ABCG1: variants seen among roughly 807,000 people sequenced by gnomAD.
The protein encoded by ABCG1 is ATP binding cassette subfamily G member 1.
Under a neutral mutation model 69.2 loss-of-function variants are expected in ABCG1, and 29 were observed. The observed-to-expected ratio is 0.42, with a 90% confidence interval of 0.31 to 0.57. ABCG1 has a LOEUF of 0.57. Ranked by LOEUF, ABCG1 falls within the 20% of genes least tolerant of loss-of-function variation. ABCG1 has a pLI of 0.15. For synonymous variants in ABCG1, 370 were observed against 374.8 expected, an observed-to-expected ratio of 0.99 and a Z score of 0.15; for missense variants, 718 against 898.1, an observed-to-expected ratio of 0.80 and a Z score of 2.56.
intron 2 of ABCG1, among the ~76,000 whole-genome samples, chr21:42,230,384 G>A (rs574215411): frequency 6.6e-5 from 10 of 152,216 alleles, no homozygotes; most frequent in African/African-American, 1.9e-4. Context: ...ATTCACTCAC[G>A]TAGCTTGTGT....
At chr21:42,293,020 ACAC>A (rs1433078119) in intron 13 of ABCG1, among the ~76,000 whole-genome samples, 4 of 142,988 alleles carry the variant, frequency 2.8e-5, no homozygotes, top group South Asian at 2.3e-4. Context: ...CACTACACAC[ACAC>A]CACACTACAC....
Position 42,276,950 on chromosome 21 carries a change from G to A in ABCG1, c.588+5G>A. On this transcript the variant is annotated splice_donor_5th_base_variant and intron_variant, in intron 5 of 14. Transcript: ENST00000398449. This position sits in a 1 kb window ranked among gnomAD's most constrained non-coding sequence, Gnocchi z 5.3. Reference sequence around the variant, plus strand: ...GATGAAGGCAGAAGGGAAATGGTAAGTGGGTTGTTTGGTGCCCACAAGTGG... The same window carrying A: ...GATGAAGGCAGAAGGGAAATGGTAAATGGGTTGTTTGGTGCCCACAAGTGG... The A allele has an allele frequency of 2.5e-6, 4 of 1,614,252 alleles. No individual in the cohort carries two copies. The highest frequency in any genetic ancestry group is 1.1e-5 in the South Asian group (1 of 91,086).
chr21:42,272,959 C>T (rs2068642366), intron 3 of ABCG1, among the ~76,000 whole-genome samples: 1 of 152,240 alleles, frequency 6.6e-6, no homozygotes, highest in East Asian at 1.9e-4. Flanking sequence ...AGGGGCTGTA[C>T]ATCCTGACCT....
At chr21:42,249,809 A>T (rs1186363881) in intron 2 of ABCG1, among the ~76,000 whole-genome samples, 1 of 152,088 alleles carries the variant, frequency 6.6e-6, no homozygotes, top group Non-Finnish European at 1.5e-5. Flanking sequence ...GTTTGAGACC[A>T]GCCTGGCCAG....
At position 42,296,033 on chromosome 21, in the gene ABCG1, G is replaced by A; in HGVS notation, c.1773-131G>A. 1 of 698,104 alleles carries A rather than the reference G, an allele frequency of 1.4e-6. No individual in the cohort carries two copies. The highest frequency in any genetic ancestry group is 2.5e-6 in the Non-Finnish European group (1 of 392,714). The allele number at this position is 698,104 out of a possible 1,614,324, so 43.2% of individuals were successfully genotyped here. A position where few individuals can be genotyped will look rare whatever the true frequency, so the allele number is the denominator to read the frequency against. On this transcript the variant is annotated intron_variant, in intron 14 of 14. Coordinates refer to ENST00000398449, the MANE Select transcript of ABCG1 (RefSeq NM_016818.3). The surrounding 1 kb of genome is among the most constrained non-coding windows in gnomAD (Gnocchi z 5.4). ...GGTGGGCGGTGAGGAAGTATTCTGG[G>A]GAAGGCGGCCCTTTGGGAAGGGAGG...
intron 2 of ABCG1, among the ~76,000 whole-genome samples, chr21:42,240,727 C>T (rs564232606): frequency 2.0e-5 from 3 of 152,374 alleles, no homozygotes; most frequent in Non-Finnish European, 2.9e-5. Context: ...GGATTACAGG[C>T]GTGAGCCACC....
Position 42,296,675 on chromosome 21 carries a change from T to G in ABCG1, c.*283T>G. ...TTTAAATACCACAACTGGGGCAGAA[T>G]TTAAAGCTGCAACACAGCTGGTGAT... On this transcript the variant is annotated 3_prime_UTR_variant, in exon 15 of 15. Transcript: ENST00000398449. This position sits in a 1 kb window ranked among gnomAD's most constrained non-coding sequence, Gnocchi z 5.4. 2.4e-6 allele frequency: 1 copy of G among 423,770 alleles called. No individual in the cohort carries two copies. The highest frequency in any genetic ancestry group is 4.4e-6 in the Non-Finnish European group (1 of 227,010). The allele number at this position is 423,770 out of a possible 1,614,324, so 26.3% of individuals were successfully genotyped here. A position where few individuals can be genotyped will look rare whatever the true frequency, so the allele number is the denominator to read the frequency against.
chr21:42,270,992 T>C lies in ABCG1; in HGVS notation c.287-78T>C. ...CAAAGGTTGCCTTTGGCCTTGGTCA[T>C]GTGTACTTGAACATTTGCATATTTA... On this transcript the variant is annotated intron_variant, in intron 2 of 14. Transcript: ENST00000398449. The C allele has an allele frequency of 7.9e-6, 8 of 1,013,628 alleles. 2 individuals carry two copies. In the South Asian group the frequency reaches 1.7e-4, roughly 21 times the overall value. 62.8% of individuals were successfully genotyped at this position (1,013,628 alleles called of 1,614,324 possible). A position where few individuals can be genotyped will look rare whatever the true frequency, so the allele number is the denominator to read the frequency against.
chr21:42,273,333 CA>C lies in ABCG1; in HGVS notation c.437del (p.Asn146ThrfsTer33). 1 of 1,613,780 alleles carries C rather than the reference CA, an allele frequency of 6.2e-7. No homozygotes were observed. The highest frequency in any genetic ancestry group is 8.5e-7 in the Non-Finnish European group (1 of 1,179,950). ...CGGGCATGAAGGGGGCCGTCCTCAT[CA>C]ACGGCCTGCCCCGGGACCTGCGCTG... ...ETGMKGAVLI[N>X]GLPRDLRCFR... On this transcript the variant is annotated frameshift_variant, in exon 4 of 15. Coordinates refer to ENST00000398449, the MANE Select transcript of ABCG1 (RefSeq NM_016818.3). LOFTEE classifies it high-confidence loss of function. The surrounding 1 kb of genome is among the most constrained non-coding windows in gnomAD (Gnocchi z 5.3).
intron 2 of ABCG1, among the ~76,000 whole-genome samples, chr21:42,265,834 C>T (rs2068494791): frequency 6.6e-6 from 1 of 152,216 alleles, no homozygotes; most frequent in Non-Finnish European, 1.5e-5. Context: ...CAGTGGTGTC[C>T]TGCCGGCCCT....
intron 2 of ABCG1, chr21:42,259,508 G>A: frequency 6.5e-7 from 1 of 1,544,536 alleles, no homozygotes; most frequent in Admixed American, 2.0e-5. Flanking sequence ...CACTCAAGGT[G>A]CATTGACTGA....
At chr21:42,279,709 C>T (rs1024338517) in intron 5 of ABCG1, among the ~76,000 whole-genome samples, 1 of 152,244 alleles carries the variant, frequency 6.6e-6, no homozygotes, top group Non-Finnish European at 1.5e-5. Flanking sequence ...TGGTGAAAGT[C>T]GCTCTCCCCA....
chr21:42,232,255 G>C (rs1053024395), intron 2 of ABCG1, among the ~76,000 whole-genome samples: 5 of 152,220 alleles, frequency 3.3e-5, no homozygotes, highest in African/African-American at 1.2e-4. Flanking sequence ...TACTTTCTTG[G>C]ACAGGCTTCA....
At chr21:42,209,490 A>G (rs2067569492) in intron 2 of ABCG1, among the ~76,000 whole-genome samples, 1 of 152,230 alleles carries the variant, frequency 6.6e-6, no homozygotes, top group African/African-American at 2.4e-5. Flanking sequence ...GGAATTTATC[A>G]TCTCTTTGGA....
chr21:42,225,910 G>A lies in ABCG1; in HGVS notation c.282G>A (p.Lys94=), dbSNP rs1203887971. The part of the protein sequence containing the change: ...YSVPEGPWWR[K]KGYKTLLKGI... ...TTCCTGAAGGACCCTGGTGGAGGAA[G>A]AAAGGTAGGGAGGGCGGCTGCTTTG... Residue 94 remains lysine, a synonymous_variant, in exon 2 of 15, where the codon AAG becomes AAA. Transcript: ENST00000398449. 8 of 1,611,632 alleles carry A rather than the reference G, an allele frequency of 5.0e-6. No individual in the cohort carries two copies. The highest frequency in any genetic ancestry group is 1.3e-5 in the African/African-American group (1 of 74,938).
At chr21:42,240,458 G>A (rs1027768370) in intron 2 of ABCG1, among the ~76,000 whole-genome samples, 2 of 152,234 alleles carry the variant, frequency 1.3e-5, no homozygotes, top group Admixed American at 1.3e-4. Flanking sequence ...TGTTTGGTTT[G>A]TGTTTTCTTT....
In ABCG1 at chr21:42,282,336, G is replaced by A; in HGVS notation, c.651G>A (p.Leu217=). 2 of 1,613,704 alleles carry A rather than the reference G, an allele frequency of 1.2e-6. No homozygotes were observed. Among genetic ancestry groups the A allele is most frequent in the Non-Finnish European group, 1.7e-6 (2 of 1,180,028 alleles). ...LSCANTRTGS[L]SGGQRKRLAI... The stretch of plus-strand genomic sequence containing the variant: ...GCGCCAACACGCGGACCGGGAGCCT[G>A]TCAGGTGGTCAGCGCAAGCGCCTGG... The change falls in exon 6 of 15, where the codon CTG becomes CTA. Residue 217 remains leucine, a synonymous_variant. Coordinates refer to ENST00000398449, the MANE Select transcript of ABCG1 (RefSeq NM_016818.3).
At chr21:42,249,385 A>G (rs1039746640) in intron 2 of ABCG1, among the ~76,000 whole-genome samples, 9 of 152,160 alleles carry the variant, frequency 5.9e-5, no homozygotes, top group African/African-American at 2.2e-4. Context: ...CTCCGGAGCC[A>G]GACCACTCAG....
intron 2 of ABCG1, among the ~76,000 whole-genome samples, chr21:42,207,678 G>A (rs892102158): frequency 6.6e-6 from 1 of 152,232 alleles, no homozygotes; most frequent in Non-Finnish European, 1.5e-5. Flanking sequence ...AGAAGTCCAG[G>A]TTCCCTGCTC....
Sources: gnomAD v4.1 joint callset for allele counts (sites outside exome capture counted in the v4.1 genomes callset) on GRCh38, gnomAD v4.1.1 for gene constraint, Gnocchi (gnomAD v3.1) non-coding constraint, MANE v1.5 for transcripts, NCBI Gene and HGNC (gene_info 2026-07-23, HGNC 2026-07-21) for gene names.